The following PRKG1 variants were observed in gnomAD, a reference collection of about 807,000 sequenced individuals.
PRKG1 encodes the protein cGMP-dependent protein kinase 1.
PRKG1 carries 35 observed loss-of-function variants against 88.1 expected under a neutral mutation model. That is an observed-to-expected ratio of 0.40 (90% CI 0.30 to 0.53). PRKG1 has a LOEUF of 0.53. PRKG1 is among the 20% of genes least tolerant of loss of function. The probability of loss-of-function intolerance (pLI) is 0.59; values close to 1 mark genes in which losing one functional copy is unlikely to be tolerated. For missense variants in PRKG1, 540 were observed against 839.8 expected (o/e 0.64, Z 4.41); for synonymous variants, 303 against 292.5 (o/e 1.04, Z -0.37).
intron 2 of PRKG1, among the ~76,000 whole-genome samples, chr10:51,335,417 C>G (rs1018626907): frequency 2.0e-5 from 3 of 152,050 alleles, no homozygotes; most frequent in Admixed American, 2.0e-4. Flanking sequence ...AGTTTTTAAA[C>G]TTTTCTAAAA....
intron 4 of PRKG1, among the ~76,000 whole-genome samples, chr10:51,904,751 T>G (rs1842049761): frequency 6.6e-6 from 1 of 152,174 alleles, no homozygotes; most frequent in Non-Finnish European, 1.5e-5. Flanking sequence ...TGCTGCTCAA[T>G]GTTTTGAGGC....
intron 3 of PRKG1, among the ~76,000 whole-genome samples, chr10:51,574,714 G>T (rs1298299113): frequency 1.3e-5 from 2 of 151,918 alleles, no homozygotes; most frequent in Non-Finnish European, 2.9e-5. Flanking sequence ...TGAGAATCAA[G>T]TTATGTTAAG....
chr10:51,799,570 A>G (rs1237301934), intron 3 of PRKG1, among the ~76,000 whole-genome samples: 3 of 151,810 alleles, frequency 2.0e-5, no homozygotes, highest in Non-Finnish European at 4.4e-5. Flanking sequence ...TGAGCTCAGT[A>G]TTGACACTTT....
At chr10:52,029,075 TGGTG>T (rs1845415140) in intron 5 of PRKG1, among the ~76,000 whole-genome samples, 8 of 152,206 alleles carry the variant, frequency 5.3e-5, no homozygotes, top group Admixed American at 1.3e-4. Flanking sequence ...TGACCCAAGG[TGGTG>T]CTTCTAGTTT....
intron 2 of PRKG1, among the ~76,000 whole-genome samples, chr10:51,397,217 G>A (rs894956361): frequency 6.7e-6 from 1 of 149,216 alleles, no homozygotes; most frequent in Non-Finnish European, 1.5e-5. Flanking sequence ...TGATGTGTAA[G>A]TTTTTAAAAG....
chr10:51,452,199 C>A (rs1839456972), intron 2 of PRKG1, among the ~76,000 whole-genome samples: 1 of 151,842 alleles, frequency 6.6e-6, no homozygotes, highest in African/African-American at 2.4e-5. Flanking sequence ...AGCTGTTATA[C>A]CCAATTTTTC....
intron 7 of PRKG1, among the ~76,000 whole-genome samples, chr10:52,080,003 A>G (rs1846730506): frequency 6.6e-6 from 1 of 152,264 alleles, no homozygotes; most frequent in South Asian, 2.1e-4. Context: ...GCACTTTGTT[A>G]TATCCCAGTG....
intron 1 of PRKG1, among the ~76,000 whole-genome samples, chr10:50,996,573 C>G (rs1017371998): frequency 1.3e-5 from 2 of 152,218 alleles, no homozygotes; most frequent in African/African-American, 4.8e-5. Context: ...TAGCCCTGCT[C>G]TTGGGGTTGC....
intron 5 of PRKG1, among the ~76,000 whole-genome samples, chr10:52,026,436 G>A (rs771680345): frequency 2.6e-5 from 4 of 152,186 alleles, no homozygotes; most frequent in Non-Finnish European, 5.9e-5. Context: ...ATTATGCCAA[G>A]TGAAAGATAC....
At chr10:51,498,766 G>A (rs532690139) in intron 3 of PRKG1, among the ~76,000 whole-genome samples, 164 of 152,238 alleles carry the variant, frequency 1.1e-3, no homozygotes, top group Non-Finnish European at 2.0e-3. Flanking sequence ...AATGTACTGA[G>A]GTTGACTTGG....
At chr10:51,098,988 C>T (rs1844611781) in intron 1 of PRKG1, among the ~76,000 whole-genome samples, 1 of 152,198 alleles carries the variant, frequency 6.6e-6, no homozygotes, top group Non-Finnish European at 1.5e-5. Flanking sequence ...GCTCCCTTGC[C>T]TCAGAGAGTT....
intron 9 of PRKG1, among the ~76,000 whole-genome samples, chr10:52,192,809 T>C (rs879793164): frequency 5.3e-5 from 8 of 152,170 alleles, no homozygotes; most frequent in Non-Finnish European, 8.8e-5. Flanking sequence ...TTTCTTATAT[T>C]AGAATTTAAG....
Position 51,204,366 on chromosome 10 carries a change from C to CTGTGTGTG in PRKG1, c.478+51036_478+51037insTGTGTGTG, listed in dbSNP as rs754207830. On this transcript the variant is annotated intron_variant, in intron 2 of 17. Coordinates refer to ENST00000373980, the MANE Select transcript of PRKG1 (RefSeq NM_006258.4). ...TTATTTAGATTATTTGAGTAGACCT[C>CTGTGTGTG]CGTGTGTGTGTGTGTGTGTGTGTGT... Among the ~76,000 whole-genome samples, 213 of 118,370 alleles carry CTGTGTGTG rather than the reference C, an allele frequency of 1.8e-3. 2 individuals are homozygous for CTGTGTGTG. Among genetic ancestry groups the CTGTGTGTG allele is most frequent in the African/African-American group, 5.7e-3 (146 of 25,534 alleles). The allele number at this position is 118,370 out of a possible 152,430, so 77.7% of individuals were successfully genotyped here.
At chr10:52,052,814 A>T (rs1392884646) in intron 5 of PRKG1, among the ~76,000 whole-genome samples, 1 of 152,064 alleles carries the variant, frequency 6.6e-6, no homozygotes, top group Non-Finnish European at 1.5e-5. Flanking sequence ...TGAAAGCTAC[A>T]ATTTAAGATG....
intron 5 of PRKG1, among the ~76,000 whole-genome samples, chr10:51,944,001 G>A (rs7085578): frequency 0.027 from 4,169 of 151,930 alleles, 233 homozygotes; most frequent in African/African-American, 0.095. Context: ...CTCTTTTTCT[G>A]TTGATTGGAA....
chr10:52,238,934 A>G (rs1402183988), intron 9 of PRKG1, among the ~76,000 whole-genome samples: 1 of 136,354 alleles, frequency 7.3e-6, no homozygotes, highest in Non-Finnish European at 1.6e-5. Context: ...ATGTCCAACA[A>G]TGATAGACTG....
intron 4 of PRKG1, among the ~76,000 whole-genome samples, chr10:51,898,538 T>C (rs1841906028): frequency 6.6e-6 from 1 of 152,066 alleles, no homozygotes; most frequent in Admixed American, 6.6e-5. Flanking sequence ...TTTTCCAATA[T>C]TAAAAAAAAA....
intron 2 of PRKG1, among the ~76,000 whole-genome samples, chr10:51,322,384 C>A (rs995368800): frequency 3.3e-5 from 5 of 152,128 alleles, no homozygotes; most frequent in Non-Finnish European, 7.3e-5. Context: ...ACATGAGACC[C>A]GTCTCTAGAT....
intron 3 of PRKG1, among the ~76,000 whole-genome samples, chr10:51,784,793 T>G (rs1406641854): frequency 6.6e-6 from 1 of 152,148 alleles, no homozygotes; most frequent in African/African-American, 2.4e-5. Context: ...TTAGTGTCAA[T>G]AAATTTAGCT....
Sources: gnomAD v4.1 joint callset for allele counts (sites outside exome capture counted in the v4.1 genomes callset) on GRCh38, gnomAD v4.1.1 for gene constraint, MANE v1.5 for transcripts, NCBI Gene and HGNC (gene_info 2026-07-23, HGNC 2026-07-21) for gene names.